PREX2: variants seen among roughly 807,000 people sequenced by gnomAD.
The protein encoded by PREX2 is phosphatidylinositol 3,4,5-trisphosphate-dependent Rac exchanger 2 protein.
Under a neutral mutation model 203.2 loss-of-function variants are expected in PREX2, and 107 were observed. That is an observed-to-expected ratio of 0.53 (90% CI 0.45 to 0.62). The LOEUF is 0.62. Among genes scored for constraint, PREX2 ranks in the 20% least tolerant of loss-of-function variants. The pLI is 0.00. For synonymous variants in PREX2, 672 were observed against 663.6 expected (o/e 1.01, Z -0.19); for missense variants, 1,777 against 1,955.9 (o/e 0.91, Z 1.72).
intron 1 of PREX2, among the ~76,000 whole-genome samples, chr8:67,984,495 G>A (rs139040520): frequency 3.8e-4 from 58 of 152,324 alleles, no homozygotes; most frequent in African/African-American, 1.2e-3. Context: ...GTATGTGTCT[G>A]TGGTTTGATT....
intron 6 of PREX2, among the ~76,000 whole-genome samples, chr8:68,035,929 CT>C (rs1808015240): frequency 6.6e-6 from 1 of 152,100 alleles, no homozygotes; most frequent in Non-Finnish European, 1.5e-5. Context: ...ACCATGAATT[CT>C]AGAAGCTGTC....
intron 10 of PREX2, among the ~76,000 whole-genome samples, chr8:68,057,190 C>G (rs1808706515): frequency 6.6e-6 from 1 of 152,146 alleles, no homozygotes; most frequent in Non-Finnish European, 1.5e-5. Context: ...GGGGCTCTTC[C>G]TCCTTCACTC....
At chr8:68,205,332 T>G (rs1585863777) in intron 37 of PREX2, among the ~76,000 whole-genome samples, 2 of 152,196 alleles carry the variant, frequency 1.3e-5, no homozygotes, top group African/African-American at 4.8e-5. Flanking sequence ...TTTATGTGTT[T>G]CATTTAAAAG....
chr8:68,205,311 A>G (rs1258041682), intron 37 of PREX2, among the ~76,000 whole-genome samples: 1 of 152,130 alleles, frequency 6.6e-6, no homozygotes, highest in Non-Finnish European at 1.5e-5. Flanking sequence ...TTTTTTCTCC[A>G]CATAAAAGTA....
intron 34 of PREX2, among the ~76,000 whole-genome samples, chr8:68,152,926 T>G (rs1811471380): frequency 6.6e-6 from 1 of 152,230 alleles, no homozygotes; most frequent in African/African-American, 2.4e-5. Context: ...CTGTGGTGTC[T>G]CTGAGGTGCC....
intron 1 of PREX2, among the ~76,000 whole-genome samples, chr8:67,972,957 C>T (rs1805967063): frequency 6.6e-6 from 1 of 152,194 alleles, no homozygotes; most frequent in Non-Finnish European, 1.5e-5. Context: ...TGTAACTCCT[C>T]TTTGTCCCTC....
rs145537751 is a variant in PREX2, at chr8:68,115,822, C to T, written c.3216C>T (p.Asp1072=). ...CATCAGAGGGCATAATACCAACAGACAGTGACAATGAGAAGGGAGAAAGAA... is the reference window on the plus strand; with the variant it reads ...CATCAGAGGGCATAATACCAACAGATAGTGACAATGAGAAGGGAGAAAGAA... ...RKTSEGIIPT[D]SDNEKGERNS... is the part of the protein sequence containing the mutation. Residue 1072 remains aspartate, a synonymous_variant, in exon 26 of 40, where the codon GAC becomes GAT. Transcript: ENST00000288368. 10 of 1,613,340 alleles carry T rather than the reference C, an allele frequency of 6.2e-6. No individual in the cohort carries two copies. The African/African-American group carries it at 1.1e-4, about 17-fold the overall frequency.
rs7838679 is a variant in PREX2, at chr8:68,158,123, G to A, written c.4346+687G>A. Among the ~76,000 whole-genome samples the A allele has an allele frequency of 1.0e-3, 138 of 134,836 alleles. 2 individuals are homozygous for A. In the South Asian group the frequency reaches 0.01, roughly 10 times the overall value. The allele number at this position is 134,836 out of a possible 152,430, so 88.5% of individuals were successfully genotyped here. ...TGTATATATATGTGTGTATATATAT[G>A]TATATATATATACACACATATATGA... On this transcript the variant is annotated intron_variant, in intron 35 of 39. Coordinates refer to ENST00000288368, the MANE Select transcript of PREX2 (RefSeq NM_024870.4).
intron 37 of PREX2, among the ~76,000 whole-genome samples, chr8:68,202,997 C>G (rs1812537413): frequency 6.6e-6 from 1 of 152,164 alleles, no homozygotes; most frequent in Non-Finnish European, 1.5e-5. Context: ...GGGTCCCCAG[C>G]CAACAGCACA....
intron 35 of PREX2, among the ~76,000 whole-genome samples, chr8:68,170,877 G>A (rs1236692902): frequency 1.3e-5 from 2 of 151,976 alleles, no homozygotes; most frequent in East Asian, 1.9e-4. Flanking sequence ...TCATTTTAAT[G>A]TATTCTGCTT....
intron 22 of PREX2, 109 bp downstream of exon 22, chr8:68,097,310 C>A (rs1585788033): frequency 2.4e-6 from 2 of 832,562 alleles, no homozygotes; most frequent in Non-Finnish European, 3.5e-6. Flanking sequence ...TTGCAGCTGT[C>A]AGCTCATTCA....
At chr8:68,083,792 G>C (rs1809601605) in intron 18 of PREX2, among the ~76,000 whole-genome samples, 1 of 152,116 alleles carries the variant, frequency 6.6e-6, no homozygotes, top group African/African-American at 2.4e-5. Flanking sequence ...ACTCATAAGA[G>C]ATGCAAAAAA....
At position 67,983,065 on chromosome 8, in the gene PREX2, G is replaced by A. The variant is rs949817468; in HGVS notation, c.141+30530G>A. On this transcript the variant is annotated intron_variant, in intron 1 of 39. Transcript: ENST00000288368. ...TTTCCTGATTCCTTTACACAATATT[G>A]AAAGACATTGGCAGAACATTTACTT... Among the ~76,000 whole-genome samples, 67 of 152,088 alleles carry A rather than the reference G, an allele frequency of 4.4e-4. 4 individuals are homozygous for A.
intron 37 of PREX2, among the ~76,000 whole-genome samples, chr8:68,204,770 C>T (rs1004359009): frequency 2.0e-5 from 3 of 148,304 alleles, no homozygotes; most frequent in East Asian, 2.0e-4. Flanking sequence ...CTGCAAGCTC[C>T]GTCTCCCGGG....
At chr8:68,209,472 A>T (rs1665513205) in intron 37 of PREX2, among the ~76,000 whole-genome samples, 1 of 152,194 alleles carries the variant, frequency 6.6e-6, no homozygotes, top group Non-Finnish European at 1.5e-5. Flanking sequence ...GACATAATTC[A>T]TGTGAAGAAT....
chr8:68,153,694 T>C (rs896145558), intron 34 of PREX2, among the ~76,000 whole-genome samples: 1 of 152,206 alleles, frequency 6.6e-6, no homozygotes, highest in Non-Finnish European at 1.5e-5. Context: ...TAGGGAATGT[T>C]GTCATCTTTC....
At chr8:68,005,600 T>C (rs1807072131) in intron 1 of PREX2, among the ~76,000 whole-genome samples, 1 of 152,208 alleles carries the variant, frequency 6.6e-6, no homozygotes, top group Non-Finnish European at 1.5e-5. Flanking sequence ...ACTCCAATTG[T>C]TGGTGCATTT....
intron 19 of PREX2, 124 bp downstream of exon 19, chr8:68,087,933 A>G (rs530422170): frequency 6.8e-6 from 5 of 738,348 alleles, no homozygotes; most frequent in South Asian, 3.1e-5. Context: ...TTTTCACTGT[A>G]TTAACTCAAT....
chr8:68,224,689 C>T, intron 39 of PREX2, 63 bp downstream of exon 39: 1 of 1,245,600 alleles, frequency 8.0e-7, no homozygotes, highest in East Asian at 2.3e-5. Context: ...CCGGCAGTGT[C>T]CCTCCGCTAA....
Sources: allele counts gnomAD v4.1 joint callset (sites outside exome capture counted in the v4.1 genomes callset), GRCh38; gene constraint gnomAD v4.1.1; transcripts MANE v1.5; gene names NCBI Gene and HGNC (gene_info 2026-07-23, HGNC 2026-07-21).